The following MARCHF1 variants were observed in gnomAD, a reference collection of about 807,000 sequenced individuals.
MARCHF1 encodes the protein membrane associated ring-CH-type finger 1.
In MARCHF1, 40 loss-of-function variants were observed where a neutral mutation model predicts 54.2. The observed-to-expected ratio is 0.74, with a 90% CI of 0.57 to 0.96. The LOEUF (loss-of-function observed/expected upper bound fraction) is 0.96. MARCHF1 is among the 40% of genes least tolerant of loss of function. The pLI is 0.00. For synonymous variants in MARCHF1, 236 were observed against 236.3 expected, an observed-to-expected ratio of 1.00 and a Z score of 0.01; for missense variants, 586 against 656.5, an observed-to-expected ratio of 0.89 and a Z score of 1.17.
chr4:163,753,875 T>A (rs1479304365), intron 4 of MARCHF1, among the ~76,000 whole-genome samples: 2 of 152,104 alleles, frequency 1.3e-5, no homozygotes, highest in African/African-American at 4.8e-5. Context: ...AATTCCAGAA[T>A]GAACAGCAAT....
intron 1 of MARCHF1, among the ~76,000 whole-genome samples, chr4:164,155,934 T>G (rs1240579191): frequency 6.6e-6 from 1 of 152,210 alleles, no homozygotes; most frequent in Non-Finnish European, 1.5e-5. Context: ...CTTTCAGTTG[T>G]GATACAAAGT....
chr4:163,734,623 A>G (rs987516284), intron 4 of MARCHF1, among the ~76,000 whole-genome samples: 1 of 151,966 alleles, frequency 6.6e-6, no homozygotes, highest in African/African-American at 2.4e-5. Context: ...TAGAACAGTC[A>G]AACTAATCTA....
intron 4 of MARCHF1, among the ~76,000 whole-genome samples, chr4:163,745,194 C>T (rs771571202): frequency 6.0e-5 from 9 of 151,054 alleles, no homozygotes; most frequent in Non-Finnish European, 1.3e-4. Flanking sequence ...CTCATGGCAA[C>T]CTCTGTTTTT....
chr4:164,346,640 A>G (rs1382506676), intron 1 of MARCHF1, among the ~76,000 whole-genome samples: 2,117 of 28,926 alleles, frequency 0.073, 228 homozygotes, highest in African/African-American at 0.17. Flanking sequence ...ATATATATAT[A>G]TATATATATA....
intron 7 of MARCHF1, among the ~76,000 whole-genome samples, chr4:163,601,569 C>T (rs182690561): frequency 1.1e-3 from 167 of 152,068 alleles, no homozygotes; most frequent in African/African-American, 3.4e-3. Flanking sequence ...CAATATTTTG[C>T]ACTTCTATAT....
rs1477531324 is a variant in MARCHF1, at chr4:163,528,590, G to T, written c.*158C>A. On this transcript the variant is annotated 3_prime_UTR_variant, in exon 10 of 10. Coordinates refer to ENST00000514618, the MANE Select transcript of MARCHF1 (RefSeq NM_001394959.1). Reference sequence around the variant, plus strand: ...GGGCTCCTGGGCATTTGGTCTGTTTGTTTTTCTCCTTTCCTCTTTGAACAA... The same window carrying T: ...GGGCTCCTGGGCATTTGGTCTGTTTTTTTTTCTCCTTTCCTCTTTGAACAA... 1 of 715,762 alleles carries T rather than the reference G, an allele frequency of 1.4e-6. No individual in the cohort carries two copies. Among genetic ancestry groups the T allele is most frequent in the Non-Finnish European group, 2.3e-6 (1 of 444,038 alleles). 44.3% of individuals were successfully genotyped at this position (715,762 alleles called of 1,614,324 possible).
chr4:163,972,808 C>T (rs941337484), intron 3 of MARCHF1, among the ~76,000 whole-genome samples: 2 of 151,660 alleles, frequency 1.3e-5, no homozygotes, highest in East Asian at 1.9e-4. Context: ...CCACCTGCCT[C>T]GGCCTCCCAA....
chr4:164,357,119 GA>G (rs56965170), intron 1 of MARCHF1, among the ~76,000 whole-genome samples: 65,451 of 147,706 alleles, frequency 0.44, 14,872 homozygotes, highest in Non-Finnish European at 0.51. Context: ...TTTTTTTTAA[GA>G]AAAAAAAAAA....
chr4:164,322,678 A>G (rs80054164), intron 1 of MARCHF1, among the ~76,000 whole-genome samples: 1 of 152,076 alleles, frequency 6.6e-6, no homozygotes, highest in Non-Finnish European at 1.5e-5. Context: ...CATCTCATGC[A>G]TCCCATAAGT....
intron 2 of MARCHF1, among the ~76,000 whole-genome samples, chr4:164,078,919 T>TAA (rs35602415): frequency 1.4e-5 from 2 of 147,726 alleles, no homozygotes; most frequent in Non-Finnish European, 3.0e-5. Context: ...TAAAGTATAA[T>TAA]AAAAAAAAAA....
At chr4:164,375,368 AG>A (rs1731155994) in intron 1 of MARCHF1, among the ~76,000 whole-genome samples, 1 of 152,218 alleles carries the variant, frequency 6.6e-6, no homozygotes, top group African/African-American at 2.4e-5. Flanking sequence ...AAAACTACTT[AG>A]TTATATGGAA....
intron 1 of MARCHF1, among the ~76,000 whole-genome samples, chr4:164,142,015 C>A (rs1756551922): frequency 6.6e-6 from 1 of 152,142 alleles, no homozygotes; most frequent in African/African-American, 2.4e-5. Context: ...TCAGGAAGCA[C>A]AAGGGGTCAG....
At position 163,561,081 on chromosome 4, in the gene MARCHF1, A is replaced by G. The variant is rs1739452170; in HGVS notation, c.1192-15338T>C. Among the ~76,000 whole-genome samples, 4 of 152,172 alleles carry G rather than the reference A, an allele frequency of 2.6e-5. No homozygotes were observed. In the South Asian group the frequency reaches 8.3e-4, roughly 31 times the overall value. ...AAATAACAGTTTTCTTTCTAAATAA[A>G]AAAACAAAATTATACTAACATGCTT... On this transcript the variant is annotated intron_variant, in intron 8 of 9. Transcript: ENST00000514618.
chr4:163,904,712 A>G (rs10019105), intron 3 of MARCHF1, among the ~76,000 whole-genome samples: 143,263 of 152,112 alleles, frequency 0.94, 67,887 homozygotes, highest in South Asian at 0.99. Flanking sequence ...TAGGTTTTTT[A>G]CTTGAAGGAG....
Position 164,168,985 on chromosome 4 carries a change from G to GCT in MARCHF1, c.-322-57325_-322-57324dup, listed in dbSNP as rs370366908. Among the ~76,000 whole-genome samples the GCT allele has an allele frequency of 3.0e-3, 451 of 152,174 alleles. 3 individuals carry two copies. The highest frequency in any genetic ancestry group is 0.01 in the African/African-American group (416 of 41,544). ...ATAGGTCAAAGGATAAAAAGTAGCA[G>GCT]CTATGTAGGATGAGCCAGTTTAGAG... On this transcript the variant is annotated intron_variant, in intron 1 of 9. Coordinates refer to ENST00000514618, the MANE Select transcript of MARCHF1 (RefSeq NM_001394959.1).
At chr4:164,142,789 T>C (rs1046381218) in intron 1 of MARCHF1, among the ~76,000 whole-genome samples, 1 of 152,128 alleles carries the variant, frequency 6.6e-6, no homozygotes, top group Non-Finnish European at 1.5e-5. Context: ...AGGAACGCAG[T>C]TCCTCACCAG....
At chr4:163,741,989 A>G (rs1746208972) in intron 4 of MARCHF1, among the ~76,000 whole-genome samples, 3 of 152,158 alleles carry the variant, frequency 2.0e-5, no homozygotes, top group Non-Finnish European at 2.9e-5. Context: ...GTTTAGTCTC[A>G]TCATCTGAAG....
chr4:164,210,803 G>A (rs1056290485), intron 1 of MARCHF1, among the ~76,000 whole-genome samples: 18 of 151,938 alleles, frequency 1.2e-4, no homozygotes, highest in Admixed American at 8.5e-4. Context: ...CAACCTAAGC[G>A]TCCATCAAAG....
chr4:163,809,512 T>C (rs1748324002), intron 4 of MARCHF1, among the ~76,000 whole-genome samples: 1 of 152,182 alleles, frequency 6.6e-6, no homozygotes, highest in Non-Finnish European at 1.5e-5. Flanking sequence ...TAAATTGCTA[T>C]TTGCTTCACC....
Sources: gnomAD v4.1 joint callset for allele counts (sites outside exome capture counted in the v4.1 genomes callset) on GRCh38, gnomAD v4.1.1 for gene constraint, MANE v1.5 for transcripts, NCBI Gene and HGNC (gene_info 2026-07-23, HGNC 2026-07-21) for gene names.